Variants in FER observed in about 807,000 individuals in gnomAD.
FER encodes the protein FER tyrosine kinase.
A neutral mutation model predicts 111.0 loss-of-function variants in FER; 63 were observed. The observed-to-expected ratio is 0.57, with a 90% confidence interval of 0.46 to 0.70. FER has a LOEUF of 0.70. Ranked by LOEUF, FER falls within the 30% of genes least tolerant of loss-of-function variation. The probability of loss-of-function intolerance (pLI) is 0.00; values close to 1 mark genes in which losing one functional copy is unlikely to be tolerated. For synonymous variants in FER, 327 were observed against 313.9 expected (o/e 1.04, Z -0.44); for missense variants, 914 against 954.0 (o/e 0.96, Z 0.55).
In FER at chr5:108,894,691, G is replaced by T. The variant is rs1467592363; in HGVS notation, c.1047-2968G>T. On this transcript the variant is annotated intron_variant, in intron 9 of 19. Coordinates refer to ENST00000281092, the MANE Select transcript of FER (RefSeq NM_005246.4). Reference sequence around the variant, plus strand: ...CAGGGGAAAGGAAAGAGGTTTAATTGACTCACAGTTCCACATGCCTGGGGA... The same window carrying T: ...CAGGGGAAAGGAAAGAGGTTTAATTTACTCACAGTTCCACATGCCTGGGGA... 2.7e-5 allele frequency: 6 copies of T among 219,128 alleles called. No individual in the cohort carries two copies. In the South Asian group the frequency reaches 3.9e-4, roughly 14 times the overall value. 13.6% of individuals were successfully genotyped at this position (219,128 alleles called of 1,614,324 possible). A position where few individuals can be genotyped will look rare whatever the true frequency, so the allele number is the denominator to read the frequency against.
chr5:109,046,852 A>G (rs1429806694), intron 15 of FER, among the ~76,000 whole-genome samples: 1 of 152,110 alleles, frequency 6.6e-6, no homozygotes, highest in Non-Finnish European at 1.5e-5. Context: ...ATATTGCACC[A>G]TTTTGTGTAA....
At chr5:109,058,050 A>G (rs1296920762) in intron 16 of FER, among the ~76,000 whole-genome samples, 1 of 152,210 alleles carries the variant, frequency 6.6e-6, no homozygotes, top group Non-Finnish European at 1.5e-5. Flanking sequence ...CAGGACTGAA[A>G]GCTGATTTAA....
At chr5:109,080,395 T>C (rs887236486) in intron 16 of FER, among the ~76,000 whole-genome samples, 2 of 152,082 alleles carry the variant, frequency 1.3e-5, no homozygotes, top group Non-Finnish European at 2.9e-5. Flanking sequence ...ACATAGATAA[T>C]AAATTAATTA....
chr5:108,908,322 A>G (rs1487534107), intron 10 of FER, among the ~76,000 whole-genome samples: 1 of 152,204 alleles, frequency 6.6e-6, no homozygotes, highest in Admixed American at 6.5e-5. Context: ...TTACATTGCT[A>G]TAACGAAATA....
intron 9 of FER, chr5:108,894,601 C>A: frequency 2.6e-6 from 1 of 378,224 alleles, no homozygotes; most frequent in Non-Finnish European, 5.2e-6. Flanking sequence ...TGCTTGCCCT[C>A]AAGGGACTTG....
intron 16 of FER, among the ~76,000 whole-genome samples, chr5:109,068,616 G>C (rs1211157159): frequency 6.6e-6 from 1 of 152,206 alleles, no homozygotes; most frequent in African/African-American, 2.4e-5. Context: ...TGTGGCTTTG[G>C]AACCATATGT....
chr5:109,146,211 T>TTATATATATATATATTCTCTATCTA (rs1561953380), intron 17 of FER, among the ~76,000 whole-genome samples: 1 of 103,926 alleles, frequency 9.6e-6, no homozygotes, highest in Non-Finnish European at 2.0e-5. Flanking sequence ...CTATCTATTT[T>TTATATATATATATATTCTCTATCTA]ATATATATAT....
chr5:109,079,486 C>T (rs1171668522), intron 16 of FER, among the ~76,000 whole-genome samples: 5 of 152,052 alleles, frequency 3.3e-5, no homozygotes, highest in African/African-American at 1.2e-4. Context: ...CTTATGGTGC[C>T]ATATTAGACC....
chr5:109,052,311 C>T, intron 16 of FER: 2 of 1,607,228 alleles, frequency 1.2e-6, no homozygotes, highest in African/African-American at 1.3e-5. Flanking sequence ...GAAAGGCAGA[C>T]TGCTCATCTC....
intron 3 of FER, among the ~76,000 whole-genome samples, chr5:108,814,615 G>A (rs578173770): frequency 3.3e-5 from 5 of 152,192 alleles, no homozygotes; most frequent in East Asian, 3.9e-4. Context: ...AGATATCATC[G>A]GGGTATTAGG....
intron 5 of FER, among the ~76,000 whole-genome samples, chr5:108,859,956 T>A (rs1250762384): frequency 6.7e-6 from 1 of 149,564 alleles, no homozygotes; most frequent in Non-Finnish European, 1.5e-5. Flanking sequence ...ATTATTATTA[T>A]TTTGAGATGG....
intron 1 of FER, among the ~76,000 whole-genome samples, chr5:108,762,422 G>A (rs943415243): frequency 2.0e-5 from 3 of 151,964 alleles, no homozygotes; most frequent in Non-Finnish European, 4.4e-5. Flanking sequence ...ATCCTGGTTC[G>A]GCAACATCCT....
At chr5:108,790,975 A>T (rs753464231) in intron 2 of FER, among the ~76,000 whole-genome samples, 1 of 152,194 alleles carries the variant, frequency 6.6e-6, no homozygotes, top group African/African-American at 2.4e-5. Flanking sequence ...GCCTGTATCA[A>T]TACTTCCTTT....
chr5:109,071,642 AGCTAACAAAATTTTG>A (rs1345075226), intron 16 of FER, among the ~76,000 whole-genome samples: 7 of 151,956 alleles, frequency 4.6e-5, no homozygotes, highest in African/African-American at 1.7e-4. Context: ...ATCTTTAGAA[AGCTAACAAAATTTTG>A]GGTTTTTTTT....
At chr5:109,040,348 A>C (rs992511201) in intron 14 of FER, among the ~76,000 whole-genome samples, 3 of 152,150 alleles carry the variant, frequency 2.0e-5, no homozygotes, top group Non-Finnish European at 4.4e-5. Context: ...TCGAACATTA[A>C]GAGGTGGAGA....
intron 17 of FER, among the ~76,000 whole-genome samples, chr5:109,122,640 A>G (rs1160901650): frequency 6.6e-6 from 1 of 151,968 alleles, no homozygotes; most frequent in Non-Finnish European, 1.5e-5. Context: ...TTCTGTATGG[A>G]TGGTATGTCC....
chr5:109,057,192 C>CA (rs1456416518), intron 16 of FER, among the ~76,000 whole-genome samples: 1 of 151,972 alleles, frequency 6.6e-6, no homozygotes, highest in East Asian at 1.9e-4. Context: ...AGAAAGGACT[C>CA]AAAGTAACAA....
chr5:109,180,488 C>T (rs1758175077), intron 17 of FER, among the ~76,000 whole-genome samples: 1 of 152,098 alleles, frequency 6.6e-6, no homozygotes, highest in Non-Finnish European at 1.5e-5. Flanking sequence ...TCTTTTAAAG[C>T]TAGAATCGGT....
intron 13 of FER, among the ~76,000 whole-genome samples, chr5:109,032,976 T>C (rs753142490): frequency 2.6e-5 from 4 of 152,170 alleles, no homozygotes; most frequent in African/African-American, 7.2e-5. Context: ...ACCATTAGTT[T>C]TGAACACAGG....
Sources: allele counts gnomAD v4.1 joint callset (sites outside exome capture counted in the v4.1 genomes callset), GRCh38; gene constraint gnomAD v4.1.1; transcripts MANE v1.5; gene names NCBI Gene and HGNC (gene_info 2026-07-23, HGNC 2026-07-21).